Variants in KALRN observed in about 807,000 individuals in gnomAD.
KALRN encodes the protein kalirin RhoGEF kinase, also known as kalirin.
Under a neutral mutation model 353.7 loss-of-function variants are expected in KALRN, and 70 were observed. The ratio of observed to expected loss-of-function variants is 0.20; its 90% CI spans 0.16 to 0.24. KALRN has a LOEUF of 0.24. Ranked by LOEUF, KALRN falls within the 10% of genes least tolerant of loss-of-function variation. The pLI is 1.00. For missense variants in KALRN, 2,791 were observed against 3,756.7 expected, an observed-to-expected ratio of 0.74 and a Z score of 6.72; for synonymous variants, 1,391 against 1,434.8, an observed-to-expected ratio of 0.97 and a Z score of 0.69.
intron 57 of KALRN, among the ~76,000 whole-genome samples, chr3:124,704,990 G>A (rs2062528692): frequency 6.6e-6 from 1 of 152,156 alleles, no homozygotes; most frequent in African/African-American, 2.4e-5. Flanking sequence ...GAGTGCTCTG[G>A]TAATTAAATA....
intron 33 of KALRN, among the ~76,000 whole-genome samples, chr3:124,561,414 C>T (rs889481849): frequency 2.6e-5 from 4 of 152,224 alleles, no homozygotes; most frequent in Non-Finnish European, 4.4e-5. Context: ...ATGCATATTG[C>T]CAACATCAGT....
intron 34 of KALRN, among the ~76,000 whole-genome samples, chr3:124,577,981 C>G (rs892832001): frequency 2.0e-5 from 3 of 152,214 alleles, no homozygotes; most frequent in Non-Finnish European, 4.4e-5. Context: ...TTTCTGGTTA[C>G]TGATGACTAT....
intron 1 of KALRN, among the ~76,000 whole-genome samples, chr3:124,050,871 C>T (rs768441934): frequency 6.6e-6 from 1 of 152,158 alleles, no homozygotes; most frequent in African/African-American, 2.4e-5. Context: ...TGAACATTGA[C>T]GCTTTCTCTT....
intron 58 of KALRN, among the ~76,000 whole-genome samples, chr3:124,713,965 A>C (rs2063012966): frequency 6.6e-6 from 1 of 152,000 alleles, no homozygotes; most frequent in Admixed American, 6.6e-5. Context: ...TTGTTAGTCT[A>C]GGTGTGTGTG....
At position 124,661,842 on chromosome 3, in the gene KALRN, T is replaced by G; in HGVS notation, c.6268-9T>G. ...CCCCCTCCTGAGTAACAGTTGTTCTTTCCCACAGAAAGCAGTGGAGTTAAT... is the reference window on the plus strand; with the variant it reads ...CCCCCTCCTGAGTAACAGTTGTTCTGTCCCACAGAAAGCAGTGGAGTTAAT... On this transcript the variant is annotated splice_polypyrimidine_tract_variant and intron_variant, in intron 44 of 59. Transcript: ENST00000682506. 1 of 1,611,936 alleles carries G rather than the reference T, an allele frequency of 6.2e-7. No homozygotes were observed. Among genetic ancestry groups the G allele is most frequent in the South Asian group, 1.1e-5 (1 of 91,026 alleles).
intron 51 of KALRN, among the ~76,000 whole-genome samples, chr3:124,683,721 T>C (rs2150505453): frequency 6.6e-6 from 1 of 152,276 alleles, no homozygotes; most frequent in Admixed American, 6.5e-5. Context: ...ACAGACTAAG[T>C]GCAGACGTTA....
At chr3:124,652,450 T>C (rs1269413517) in intron 38 of KALRN, among the ~76,000 whole-genome samples, 1 of 152,236 alleles carries the variant, frequency 6.6e-6, no homozygotes, top group East Asian at 1.9e-4. Flanking sequence ...TCTCCTTAGC[T>C]TCTCAGGTTG....
chr3:124,255,339 T>C (rs2071795325), intron 3 of KALRN, among the ~76,000 whole-genome samples: 1 of 152,200 alleles, frequency 6.6e-6, no homozygotes, highest in Non-Finnish European at 1.5e-5. Flanking sequence ...TTAAGACTTA[T>C]CATAACTTGC....
chr3:124,606,814 G>A (rs559907611), intron 34 of KALRN, among the ~76,000 whole-genome samples: 4 of 152,188 alleles, frequency 2.6e-5, no homozygotes, highest in South Asian at 4.1e-4. Context: ...TTTAAAAAAG[G>A]GCAAAAGCGA....
chr3:124,357,326 G>A lies in KALRN; in HGVS notation c.1770+10061G>A, dbSNP rs73187307. 7.7e-3 allele frequency among the ~76,000 whole-genome samples: 1,168 copies of A among 152,228 alleles called. 9 individuals carry two copies. The highest frequency in any genetic ancestry group is 0.013 in the Non-Finnish European group (916 of 68,020). ...ATTGTCTTAAATCTATCCTCACGCT[G>A]CCACAACAGTGGCTTCCCTCAAATG... is the stretch of plus-strand genomic sequence containing the variant. On this transcript the variant is annotated intron_variant, in intron 10 of 59. Coordinates refer to ENST00000682506, the MANE Select transcript of KALRN (RefSeq NM_001388419.1).
chr3:124,485,799 G>A (rs1161030073), intron 28 of KALRN, among the ~76,000 whole-genome samples: 1 of 152,146 alleles, frequency 6.6e-6, no homozygotes, highest in Non-Finnish European at 1.5e-5. Context: ...AGAATTGCTT[G>A]AACCCAGGAG....
intron 3 of KALRN, among the ~76,000 whole-genome samples, chr3:124,254,038 G>T (rs2071549124): frequency 7.7e-6 from 1 of 130,652 alleles, no homozygotes; most frequent in African/African-American, 2.9e-5. Flanking sequence ...CATGAGTGGG[G>T]GCAAACAGGG....
At chr3:124,201,237 C>T (rs968444202) in intron 1 of KALRN, among the ~76,000 whole-genome samples, 4 of 152,238 alleles carry the variant, frequency 2.6e-5, no homozygotes, top group African/African-American at 9.6e-5. Flanking sequence ...AAGCACCTTA[C>T]TTGTTTAAGC....
intron 34 of KALRN, among the ~76,000 whole-genome samples, chr3:124,621,102 A>G (rs762746513): frequency 6.6e-6 from 1 of 152,190 alleles, no homozygotes; most frequent in Non-Finnish European, 1.5e-5. Flanking sequence ...CAATGTCCCA[A>G]TGGGCTCTGA....
At chr3:124,221,991 C>T (rs2077971068) in intron 1 of KALRN, among the ~76,000 whole-genome samples, 2 of 152,148 alleles carry the variant, frequency 1.3e-5, no homozygotes, top group Non-Finnish European at 2.9e-5. Flanking sequence ...AGCATTTCCC[C>T]AGTGTTCAGG....
At chr3:124,501,205 T>G (rs1378671893) in intron 33 of KALRN, among the ~76,000 whole-genome samples, 1 of 152,196 alleles carries the variant, frequency 6.6e-6, no homozygotes, top group African/African-American at 2.4e-5. Context: ...ATTGACTTGC[T>G]GGTACTCTTC....
chr3:124,365,530 T>C (rs2084572919), intron 10 of KALRN, among the ~76,000 whole-genome samples: 1 of 152,178 alleles, frequency 6.6e-6, no homozygotes, highest in African/African-American at 2.4e-5. Context: ...GAAGGTGAGA[T>C]AAAAGTGGAC....
rs767905483 is a variant in KALRN, at chr3:124,422,861, A to G, written c.2592A>G (p.Gln864=). The G allele has an allele frequency of 9.3e-6, 15 of 1,613,786 alleles. No homozygotes were observed. Among genetic ancestry groups the G allele is most frequent in the Non-Finnish European group, 1.3e-5 (15 of 1,179,876 alleles). The change falls in exon 15 of 60, where the codon CAA becomes CAG. Residue 864 remains glutamine, a synonymous_variant. Coordinates refer to ENST00000682506, the MANE Select transcript of KALRN (RefSeq NM_001388419.1). ...ACATTGATCTGGCAGCCCAGGTGCA[A>G]GAGTTATTGGAATTTCTCCATGAGA... The part of the protein sequence containing the change: ...EKDIDLAAQV[Q]ELLEFLHEKQ...
chr3:124,674,604 G>A lies in KALRN; in HGVS notation c.7183G>A (p.Gly2395Arg), dbSNP rs150398770. 29 of 1,589,470 alleles carry A rather than the reference G, an allele frequency of 1.8e-5. No individual in the cohort carries two copies. The highest frequency in any genetic ancestry group is 8.1e-5 in the African/African-American group (6 of 74,390). Reference protein sequence around the residue: ...TKATAAESSDGSIKKSCSWHT... With the variant: ...TKATAAESSDRSIKKSCSWHT... ...AGCCACAGCAGCAGAAAGTAGTGAC[G>A]GGAGCATCAAGTAAGTGCCTCGTTG... Residue 2395 changes from glycine to arginine, a missense_variant, in exon 49 of 60, where the codon GGG becomes AGG. Physicochemically the swap from Gly to Arg is moderately radical, Grantham distance 125. Around this residue, in one of 11 missense-constraint regions of KALRN, gnomAD observed 1,065 missense variants for 1,156.4 expected, o/e 0.92. Transcript: ENST00000682506.
Sources: gnomAD v4.1 joint callset for allele counts (sites outside exome capture counted in the v4.1 genomes callset) on GRCh38, gnomAD v4.1.1 for gene constraint, gnomAD v4.1.1 regional missense constraint, MANE v1.5 for transcripts, NCBI Gene and HGNC (gene_info 2026-07-23, HGNC 2026-07-21) for gene names.